TLN2: variants seen among roughly 807,000 people sequenced by gnomAD.
TLN2 encodes the protein talin-2.
A neutral mutation model predicts 294.7 loss-of-function variants in TLN2; 118 were observed. That is an observed-to-expected ratio of 0.40 (90% CI 0.34 to 0.47). The LOEUF is 0.47. Among genes scored for constraint, TLN2 ranks in the 20% least tolerant of loss-of-function variants. The probability of loss-of-function intolerance (pLI) is 0.84; values close to 1 mark genes in which losing one functional copy is unlikely to be tolerated. For synonymous variants in TLN2, 1,431 were observed against 1,304.5 expected, an observed-to-expected ratio of 1.10 and a Z score of -2.09; for missense variants, 3,083 against 3,282.2, an observed-to-expected ratio of 0.94 and a Z score of 1.48.
Position 62,809,968 on chromosome 15 carries a change from G to C in TLN2, c.6707G>C (p.Arg2236Thr), listed in dbSNP as rs1250370459. ...GATGTCAGTGACGAGGTGAGAACCAGAGCCTTGCGTTTCGGGACGGAGTGC... is the reference window on the plus strand; with the variant it reads ...GATGTCAGTGACGAGGTGAGAACCACAGCCTTGCGTTTCGGGACGGAGTGC... ...HPDVSDEVRT[R>T]ALRFGTECTL... Residue 2236 changes from arginine to threonine, a missense_variant, in exon 52 of 59, where the codon AGA (arginine) becomes ACA (threonine). Transcript: ENST00000636159. 1.2e-6 allele frequency: 2 copies of C among 1,614,030 alleles called. No homozygotes were observed. Among genetic ancestry groups the C allele is most frequent in the Non-Finnish European group, 1.7e-6 (2 of 1,180,054 alleles).
intron 9 of TLN2, among the ~76,000 whole-genome samples, chr15:62,672,238 C>T (rs2055520313): frequency 1.3e-5 from 2 of 152,118 alleles, no homozygotes; most frequent in Non-Finnish European, 2.9e-5. Flanking sequence ...TTAGAAACAT[C>T]AGAATAAATA....
At chr15:62,576,529 A>AATTGCTG (rs1201124021) in intron 1 of TLN2, among the ~76,000 whole-genome samples, 2 of 151,418 alleles carry the variant, frequency 1.3e-5, no homozygotes, top group African/African-American at 4.9e-5. Context: ...GGAGCGCGAG[A>AATTGCTG]ATTGCTGATA....
intron 52 of TLN2, among the ~76,000 whole-genome samples, chr15:62,811,211 A>G (rs932500214): frequency 1.3e-5 from 2 of 152,258 alleles, no homozygotes; most frequent in African/African-American, 2.4e-5. Context: ...ACTGTGGTCA[A>G]TTCTGAAGTG....
intron 1 of TLN2, among the ~76,000 whole-genome samples, chr15:62,402,255 C>A (rs927551329): frequency 6.6e-6 from 1 of 152,194 alleles, no homozygotes; most frequent in African/African-American, 2.4e-5. Flanking sequence ...ACTAAACTTG[C>A]ACCCCATTAT....
chr15:62,656,835 G>A (rs1298518002), intron 8 of TLN2, among the ~76,000 whole-genome samples: 1 of 152,192 alleles, frequency 6.6e-6, no homozygotes, highest in Non-Finnish European at 1.5e-5. Context: ...ATCCCCTTGA[G>A]GGTTATGTAA....
intron 1 of TLN2, among the ~76,000 whole-genome samples, chr15:62,406,601 G>T (rs2033424013): frequency 6.6e-6 from 1 of 152,170 alleles, no homozygotes; most frequent in Non-Finnish European, 1.5e-5. Flanking sequence ...TTCTAGGGAA[G>T]GGTTAGTAAC....
intron 46 of TLN2, among the ~76,000 whole-genome samples, chr15:62,793,941 T>C (rs1347060687): frequency 6.6e-6 from 1 of 151,808 alleles, no homozygotes; most frequent in Non-Finnish European, 1.5e-5. Context: ...AGTCTGGCCT[T>C]CTCCCATAGC....
At chr15:62,566,677 G>T (rs773396346) in intron 1 of TLN2, among the ~76,000 whole-genome samples, 41 of 147,952 alleles carry the variant, frequency 2.8e-4, no homozygotes, top group South Asian at 6.5e-4. Flanking sequence ...AGGCTGGAGC[G>T]CAGTGGCACA....
At position 62,841,149 on chromosome 15, in the gene TLN2, G is replaced by A. The variant is rs192439495; in HGVS notation, c.*539G>A. The A allele has an allele frequency of 1.3e-5, 2 of 152,912 alleles. No individual in the cohort carries two copies. Among genetic ancestry groups the A allele is most frequent in the East Asian group, 3.9e-4 (2 of 5,182 alleles). 9.5% of individuals were successfully genotyped at this position (152,912 alleles called of 1,614,324 possible). A position where few individuals can be genotyped will look rare whatever the true frequency, so the allele number is the denominator to read the frequency against. ...ATGTCTTGAGCACTGGCTCACCCAG[G>A]GGGTGAAAAATTCCCGCCCCTGTTT... On this transcript the variant is annotated 3_prime_UTR_variant, in exon 59 of 59. Transcript: ENST00000636159.
rs115024190 is a variant in TLN2 at position 62,423,215 on chromosome 15, G to A, written c.-238+32530G>A. Among the ~76,000 whole-genome samples the A allele has an allele frequency of 8.0e-3, 1,215 of 152,180 alleles. 20 individuals are homozygous for A. Among genetic ancestry groups the A allele is most frequent in the African/African-American group, 0.028 (1,163 of 41,520 alleles). ...TCAAAACCAGCCTGGGCAACATGGCGACACCTCGTCTCTACAAAAAAATTA... is the reference window on the plus strand; with the variant it reads ...TCAAAACCAGCCTGGGCAACATGGCAACACCTCGTCTCTACAAAAAAATTA... On this transcript the variant is annotated intron_variant, in intron 1 of 58. Coordinates refer to ENST00000636159, the MANE Select transcript of TLN2 (RefSeq NM_015059.3).
At chr15:62,490,359 T>A (rs772998942) in intron 1 of TLN2, among the ~76,000 whole-genome samples, 66 of 152,226 alleles carry the variant, frequency 4.3e-4, no homozygotes, top group Admixed American at 7.9e-4. Context: ...ATGGGGGTTA[T>A]CTCTATGTGA....
chr15:62,757,437 A>G (rs560222748), intron 37 of TLN2, among the ~76,000 whole-genome samples: 1 of 152,246 alleles, frequency 6.6e-6, no homozygotes, highest in South Asian at 2.1e-4. Flanking sequence ...AAAATCAATC[A>G]TTTTCTGGTC....
At chr15:62,494,208 C>T (rs973333778) in intron 1 of TLN2, among the ~76,000 whole-genome samples, 24 of 152,128 alleles carry the variant, frequency 1.6e-4, no homozygotes, top group Admixed American at 3.9e-4. Flanking sequence ...GTTCCAGGGC[C>T]GTCCAGCCTT....
chr15:62,604,595 A>G (rs2047271624), intron 2 of TLN2, among the ~76,000 whole-genome samples: 1 of 150,772 alleles, frequency 6.6e-6, no homozygotes, highest in African/African-American at 2.4e-5. Flanking sequence ...AGAGCTTCAT[A>G]AGAGAGAGGG....
At position 62,806,658 on chromosome 15, in the gene TLN2, C is replaced by T. The variant is rs186224096; in HGVS notation, c.6663+873C>T. 3.9e-3 allele frequency among the ~76,000 whole-genome samples: 591 copies of T among 152,246 alleles called. 5 individuals are homozygous for T. The highest frequency in any genetic ancestry group is 0.013 in the African/African-American group (536 of 41,534). ...TGCTTGGTGAGGGAGCTGTGGAGAC[C>T]CAGGGCCTGGAACCTTTATTTTTGA... On this transcript the variant is annotated intron_variant, in intron 51 of 58. Coordinates refer to ENST00000636159, the MANE Select transcript of TLN2 (RefSeq NM_015059.3).
intron 1 of TLN2, among the ~76,000 whole-genome samples, chr15:62,460,387 C>A (rs1397533702): frequency 1.3e-5 from 2 of 152,128 alleles, no homozygotes; most frequent in African/African-American, 4.8e-5. Context: ...GCCTCAGCCT[C>A]CCTAGTAGCT....
intron 37 of TLN2, among the ~76,000 whole-genome samples, chr15:62,756,394 C>G (rs1355160450): frequency 6.6e-6 from 1 of 152,158 alleles, no homozygotes; most frequent in Non-Finnish European, 1.5e-5. Context: ...AGTCTGCCCT[C>G]AGCTAGGACC....
At chr15:62,489,307 C>G (rs1595919288) in intron 1 of TLN2, among the ~76,000 whole-genome samples, 1 of 152,246 alleles carries the variant, frequency 6.6e-6, no homozygotes. Context: ...CTGTGAAAAA[C>G]CAAACAGGTT....
chr15:62,686,868 C>G, intron 12 of TLN2, 72 bp downstream of exon 12: 1 of 1,564,076 alleles, frequency 6.4e-7, no homozygotes, highest in Non-Finnish European at 8.7e-7. Flanking sequence ...GGAGAAAGAC[C>G]AGATTCTTGC....
Sources: allele counts gnomAD v4.1 joint callset (sites outside exome capture counted in the v4.1 genomes callset), GRCh38; gene constraint gnomAD v4.1.1; transcripts MANE v1.5; gene names NCBI Gene and HGNC (gene_info 2026-07-23, HGNC 2026-07-21).